Variants in TSHR observed in about 807,000 individuals in gnomAD.
TSHR encodes the protein thyroid stimulating hormone receptor.
TSHR carries 51 observed loss-of-function variants against 64.1 expected under a neutral mutation model. The observed-to-expected ratio is 0.80, with a 90% CI of 0.64 to 1.01. TSHR has a LOEUF of 1.01. Among genes scored for constraint, TSHR ranks in the 50% least tolerant of loss-of-function variants. The probability of loss-of-function intolerance (pLI) is 0.00; values close to 1 mark genes in which losing one functional copy is unlikely to be tolerated. For missense variants in TSHR, 877 were observed against 942.8 expected (o/e 0.93, Z 0.91); for synonymous variants, 361 against 361.9 (o/e 1.00, Z 0.03).
intron 9 of TSHR, among the ~76,000 whole-genome samples, chr14:81,141,261 C>T (rs983586175): frequency 6.6e-6 from 1 of 152,210 alleles, no homozygotes; most frequent in Non-Finnish European, 1.5e-5. Context: ...TTGAGAAGGA[C>T]TGGACAAGGG....
chr14:80,969,012 G>A (rs1024733508), intron 1 of TSHR, among the ~76,000 whole-genome samples: 6 of 152,132 alleles, frequency 3.9e-5, no homozygotes, highest in African/African-American at 4.8e-5. Context: ...TGAATGTTAG[G>A]TTACTAGGGT....
chr14:81,139,846 A>C lies in TSHR; in HGVS notation c.860A>C (p.Lys287Thr). 6.2e-7 allele frequency: 1 copy of C among 1,614,226 alleles called. No individual in the cohort carries two copies. The highest frequency in any genetic ancestry group is 1.1e-5 in the South Asian group (1 of 91,090). ...LSYPSHCCAF[K>T]NQKKIRGILE... Reference sequence around the variant, plus strand: ...TACCCAAGCCACTGCTGTGCTTTTAAGAATCAGAAGAAAATCAGAGGGTAA... The same window carrying C: ...TACCCAAGCCACTGCTGTGCTTTTACGAATCAGAAGAAAATCAGAGGGTAA... Residue 287 changes from lysine to threonine, a missense_variant, in exon 9 of 10, where the codon AAG becomes ACG. Physicochemically the swap from Lys to Thr is moderately conservative, Grantham distance 78. Transcript: ENST00000298171.
At chr14:81,092,421 A>G (rs1296282296) in intron 5 of TSHR, 110 bp from the exon 6 acceptor site, 15 of 1,030,188 alleles carry the variant, frequency 1.5e-5, no homozygotes, top group Non-Finnish European at 2.1e-5. Flanking sequence ...AAAAAGAAAT[A>G]AGATTAAGCT....
chr14:81,012,725 T>C (rs1889983847), intron 1 of TSHR: 2 of 152,070 alleles, frequency 1.3e-5, no homozygotes, highest in South Asian at 4.1e-4. Flanking sequence ...GTTTTTTGGC[T>C]GCATAAATGT....
At chr14:81,084,073 C>T (rs550476079) in intron 3 of TSHR, among the ~76,000 whole-genome samples, 1 of 152,252 alleles carries the variant, frequency 6.6e-6, no homozygotes, top group East Asian at 1.9e-4. Context: ...ATTTAGGTCC[C>T]TCTCCCAACA....
At chr14:80,989,837 T>C (rs1888639513) in intron 1 of TSHR, among the ~76,000 whole-genome samples, 1 of 152,174 alleles carries the variant, frequency 6.6e-6, no homozygotes, top group Admixed American at 6.5e-5. Flanking sequence ...CTAAGGGAAC[T>C]GAGACCCAGA....
At chr14:80,994,458 C>T (rs1888902106) in intron 1 of TSHR, 1 of 152,068 alleles carries the variant, frequency 6.6e-6, no homozygotes, top group Non-Finnish European at 1.5e-5. Context: ...CTGGAAGCAT[C>T]ACGCTACCCA....
chr14:81,004,621 G>T (rs1889499489), intron 1 of TSHR, among the ~76,000 whole-genome samples: 1 of 152,110 alleles, frequency 6.6e-6, no homozygotes, highest in Non-Finnish European at 1.5e-5. Flanking sequence ...GGTAGCAGAG[G>T]GGTAGTAGTG....
At chr14:80,963,655 C>T (rs1375330858) in intron 1 of TSHR, among the ~76,000 whole-genome samples, 1 of 152,202 alleles carries the variant, frequency 6.6e-6, no homozygotes, top group Non-Finnish European at 1.5e-5. Flanking sequence ...CAGATCTTAG[C>T]AAGTCTTATT....
intron 1 of TSHR, among the ~76,000 whole-genome samples, chr14:81,034,956 A>C (rs1033753812): frequency 6.6e-6 from 1 of 152,206 alleles, no homozygotes; most frequent in Admixed American, 6.5e-5. Context: ...TGTTAAATAA[A>C]GTTAAGCAAA....
chr14:80,962,515 C>T (rs1887088650), intron 1 of TSHR, among the ~76,000 whole-genome samples: 1 of 152,148 alleles, frequency 6.6e-6, no homozygotes, highest in African/African-American at 2.4e-5. Context: ...TTAGGCTCAC[C>T]CTCATTCACT....
intron 1 of TSHR, among the ~76,000 whole-genome samples, chr14:81,002,975 C>T (rs1566758049): frequency 2.5e-5 from 1 of 39,914 alleles, no homozygotes; most frequent in Non-Finnish European, 4.9e-5. Context: ...GCTATCCCTC[C>T]CCCCTCCCCC....
intron 8 of TSHR, among the ~76,000 whole-genome samples, chr14:81,115,947 G>A (rs886423562): frequency 6.6e-6 from 1 of 152,044 alleles, no homozygotes; most frequent in Admixed American, 6.6e-5. Flanking sequence ...ATAAGTGAAG[G>A]AGAAATAAAA....
chr14:81,137,737 G>T (rs971442462), intron 8 of TSHR, among the ~76,000 whole-genome samples: 1 of 152,170 alleles, frequency 6.6e-6, no homozygotes, highest in African/African-American at 2.4e-5. Context: ...GTTTTGTCAC[G>T]CAGTAACTGA....
chr14:81,140,010 G>A, intron 9 of TSHR, 143 bp downstream of exon 9: 1 of 1,169,010 alleles, frequency 8.6e-7, no homozygotes, highest in Non-Finnish European at 1.2e-6. Flanking sequence ...GGAAATCCAT[G>A]GGACACAGTG....
chr14:81,095,101 A>G (rs994652129), intron 6 of TSHR, among the ~76,000 whole-genome samples: 1 of 152,136 alleles, frequency 6.6e-6, no homozygotes, highest in Non-Finnish European at 1.5e-5. Flanking sequence ...GTTCCCTTAC[A>G]ACTGCCACTA....
intron 1 of TSHR, among the ~76,000 whole-genome samples, chr14:80,973,274 G>T (rs1253728637): frequency 1.3e-5 from 2 of 151,616 alleles, no homozygotes; most frequent in East Asian, 3.9e-4. Flanking sequence ...GCTAGGTGGC[G>T]GGTGCCTATA....
chr14:80,993,979 C>A (rs768813343), intron 1 of TSHR: 1 of 152,150 alleles, frequency 6.6e-6, no homozygotes, highest in Admixed American at 6.6e-5. Context: ...GCTGCCTCTT[C>A]TGCATCCCCT....
intron 1 of TSHR, among the ~76,000 whole-genome samples, chr14:80,972,084 C>A (rs1010599364): frequency 1.3e-5 from 2 of 152,090 alleles, no homozygotes; most frequent in African/African-American, 4.8e-5. Context: ...TGCCTTGAAG[C>A]CAGATAAATG....
Sources: gnomAD v4.1 joint callset for allele counts (sites outside exome capture counted in the v4.1 genomes callset) on GRCh38, gnomAD v4.1.1 for gene constraint, MANE v1.5 for transcripts, NCBI Gene and HGNC (gene_info 2026-07-23, HGNC 2026-07-21) for gene names.